The following MUC4 variants were observed in gnomAD, a reference collection of about 807,000 sequenced individuals.
MUC4 encodes mucin 4, cell surface associated.
In MUC4, 202 loss-of-function variants were observed where a neutral mutation model predicts 257.9. That is an observed-to-expected ratio of 0.78 (90% CI 0.70 to 0.88). The LOEUF (loss-of-function observed/expected upper bound fraction) is 0.88. MUC4 is among the 40% of genes least tolerant of loss of function. The pLI is 0.00. For synonymous variants in MUC4, 2,351 were observed against 2,757.1 expected (o/e 0.85, Z 4.62); for missense variants, 5,976 against 6,513.7 (o/e 0.92, Z 2.84).
chr3:195,807,539 G>A (rs982351644), intron 1 of MUC4, among the ~76,000 whole-genome samples: 3 of 152,048 alleles, frequency 2.0e-5, no homozygotes, highest in Non-Finnish European at 2.9e-5. Context: ...TGAAGAAATC[G>A]TCGATGAGGT....
Position 195,761,032 on chromosome 3 carries a change from T to C in MUC4, c.14700A>G (p.Gln4900=). The C allele has an allele frequency of 7.4e-6, 12 of 1,614,188 alleles. No homozygotes were observed. Among genetic ancestry groups the C allele is most frequent in the Admixed American group, 1.7e-5 (1 of 60,026 alleles). ...AATGTTCAGCCCAGGAGCTGTTTTT[T>C]TGCAGTTGTGAGTAGAAAACAGGGG... ...NFTPVFYSQL[Q]KNSSWAEHLI... Residue 4900 remains glutamine, a synonymous_variant, in exon 16 of 25, where the codon CAA becomes CAG. Coordinates refer to ENST00000463781, the MANE Select transcript of MUC4 (RefSeq NM_018406.7).
In MUC4 at chr3:195,762,646, CTGCACCGCCACGCACCG is replaced by C. The variant is rs1296050390; in HGVS notation, c.14344+192_14344+208del. 6.2e-3 allele frequency among the ~76,000 whole-genome samples: 871 copies of C among 140,888 alleles called. 36 individuals carry two copies. Among genetic ancestry groups the C allele is most frequent in the South Asian group, 0.011 (50 of 4,606 alleles). 92.4% of individuals were successfully genotyped at this position (140,888 alleles called of 152,430 possible). A position where few individuals can be genotyped will look rare whatever the true frequency, so the allele number is the denominator to read the frequency against. Reference sequence around the variant, plus strand: ...GCCCTGCACCGCCACGCACCGGGCCCTGCACCGCCACGCACCGGGCCCTGCACCACAACGCACCCGGC... The same window carrying C: ...GCCCTGCACCGCCACGCACCGGGCCCGGCCCTGCACCACAACGCACCCGGC... On this transcript the variant is annotated intron_variant, in intron 13 of 24. Coordinates refer to ENST00000463781, the MANE Select transcript of MUC4 (RefSeq NM_018406.7).
chr3:195,806,252 G>A (rs1008243699), intron 1 of MUC4, among the ~76,000 whole-genome samples: 2 of 152,106 alleles, frequency 1.3e-5, no homozygotes, highest in Admixed American at 6.5e-5. Context: ...CATGAGCTCC[G>A]CCTCTGCCTG....
At chr3:195,754,620 C>T (rs2148767921) in intron 18 of MUC4, among the ~76,000 whole-genome samples, 2 of 152,366 alleles carry the variant, frequency 1.3e-5, no homozygotes, top group South Asian at 4.1e-4. Flanking sequence ...CCTGGCCCTG[C>T]ACCAGGATCT....
At position 195,788,798 on chromosome 3, in the gene MUC4, C is replaced by A. The variant is rs1423854071; in HGVS notation, c.2782G>T (p.Ala928Ser). 1 of 1,613,842 alleles carries A rather than the reference C, an allele frequency of 6.2e-7. No homozygotes were observed. The change falls in exon 2 of 25, where the codon GCA becomes TCA. Residue 928 changes from alanine to serine, a missense_variant. This residue lies in a region of MUC4 where 1,583 missense variants were observed against 1,257.4 expected (regional missense o/e 1.26). Transcript: ENST00000463781. ...GGGACTGTTGAGAAGGTGTCGGTTG[C>A]CTGGGACGCCAGGCTGATAGTGTCA... ...GSDTISLASQ[A>S]TDTFSTVPPT...
chr3:195,754,781 TG>T (rs1717196790), intron 18 of MUC4, among the ~76,000 whole-genome samples: 1 of 150,504 alleles, frequency 6.6e-6, no homozygotes, highest in Non-Finnish European at 1.5e-5. Flanking sequence ...CATGTATGTA[TG>T]TGTGTATCCA....
chr3:195,795,038 G>A (rs1039518059), intron 1 of MUC4, among the ~76,000 whole-genome samples: 1 of 152,188 alleles, frequency 6.6e-6, no homozygotes, highest in African/African-American at 2.4e-5. Flanking sequence ...GTTGGAATTA[G>A]GTTGAGATTT....
chr3:195,801,949 C>A (rs371293269), intron 1 of MUC4, among the ~76,000 whole-genome samples: 1 of 152,116 alleles, frequency 6.6e-6, no homozygotes, highest in Non-Finnish European at 1.5e-5. Context: ...CTCTCTCCCC[C>A]GCTCCACGCC....
intron 1 of MUC4, among the ~76,000 whole-genome samples, chr3:195,794,760 T>C (rs1734365581): frequency 6.6e-6 from 1 of 152,208 alleles, no homozygotes; most frequent in African/African-American, 2.4e-5. Flanking sequence ...TTTCTGGAAT[T>C]GACTGTAATT....
intron 5 of MUC4, among the ~76,000 whole-genome samples, chr3:195,771,083 G>A (rs1282381026): frequency 3.4e-5 from 5 of 148,732 alleles, no homozygotes; most frequent in African/African-American, 1.2e-4. Context: ...TCTCGTGGCC[G>A]GGTTGGGGTA....
chr3:195,783,565 G>C lies in MUC4; in HGVS notation c.8015C>G (p.Pro2672Arg). ...LSSVSTGDTT[P>R]LPVTSPSSAS... ...TGAGGAAGGGCTAGTGACAGGAAGAGGCGTGGTGTCACCTGTGGATACTGA... is the reference window on the plus strand; with the variant it reads ...TGAGGAAGGGCTAGTGACAGGAAGACGCGTGGTGTCACCTGTGGATACTGA... The change falls in exon 2 of 25, where the codon CCT becomes CGT. Residue 2672 changes from proline (P) to arginine (R), a missense_variant. This residue lies in a region of MUC4 where 75 missense variants were observed against 58.7 expected (regional missense o/e 1.28). Transcript: ENST00000463781. 3.1e-6 allele frequency: 1 copy of C among 321,190 alleles called. No homozygotes were observed. Among genetic ancestry groups the C allele is most frequent in the South Asian group, 2.9e-5 (1 of 34,662 alleles). 19.9% of individuals were successfully genotyped at this position (321,190 alleles called of 1,614,324 possible).
intron 7 of MUC4, among the ~76,000 whole-genome samples, chr3:195,767,666 TCAC>T (rs1560263179): frequency 1.6e-4 from 3 of 18,906 alleles, no homozygotes; most frequent in East Asian, 2.5e-3. Context: ...ACCACCACCA[TCAC>T]CATCACCACC....
At chr3:195,793,002 A>C (rs1578440898) in intron 1 of MUC4, among the ~76,000 whole-genome samples, 1 of 152,172 alleles carries the variant, frequency 6.6e-6, no homozygotes, top group African/African-American at 2.4e-5. Context: ...AAGGGGAGGA[A>C]GAGCGTCAGG....
chr3:195,773,620 G>A (rs1247961653), intron 4 of MUC4, among the ~76,000 whole-genome samples: 5 of 126,628 alleles, frequency 3.9e-5, no homozygotes, highest in South Asian at 2.8e-4. Context: ...TCTCTCTATC[G>A]CTCAGCAGGT....
At chr3:195,752,927 T>C in intron 20 of MUC4, 124 bp downstream of exon 20, 1 of 907,736 alleles carries the variant, frequency 1.1e-6, no homozygotes, top group South Asian at 1.8e-5. Flanking sequence ...CCCAGAGAAA[T>C]CTGGAGCTCT....
rs1161412562 is a variant in MUC4, at chr3:195,789,886, G to T, written c.1694C>A (p.Thr565Lys). The T allele has an allele frequency of 3.8e-5, 61 of 1,613,874 alleles. No individual in the cohort carries two copies. Among genetic ancestry groups the T allele is most frequent in the Non-Finnish European group, 5.2e-5 (61 of 1,179,892 alleles). The change falls in exon 2 of 25, where the codon ACA (threonine) becomes AAA (lysine). Residue 565 changes from threonine (T) to lysine (K), a missense_variant. By Grantham distance (78) the Thr-to-Lys change is moderately conservative. Transcript: ENST00000463781. ...GGTCCCCGTTTCTTGTGTCCATTGT[G>T]TCTGGGCGCCTGCCCCTGTTGTTTT... ...LPKTTGAGAQ[T>K]QWTQETGTTG...
At chr3:195,752,833 C>T (rs190040303) in intron 20 of MUC4, among the ~76,000 whole-genome samples, 54 of 152,248 alleles carry the variant, frequency 3.5e-4, no homozygotes, top group Non-Finnish European at 6.9e-4. Context: ...CTGCCTCCGT[C>T]CTTCCTCCAT....
chr3:195,760,085 A>AAC (rs1718471101), intron 16 of MUC4, among the ~76,000 whole-genome samples: 1 of 152,170 alleles, frequency 6.6e-6, no homozygotes, highest in Admixed American at 6.5e-5. Context: ...TCATTTAACA[A>AAC]ACATTTATTG....
At position 195,811,811 on chromosome 3, in the gene MUC4, C is replaced by T; in HGVS notation, c.7G>A (p.Gly3Arg). 1 of 1,613,762 alleles carries T rather than the reference C, an allele frequency of 6.2e-7. No individual in the cohort carries two copies. MK[G>R]ARWRRVPWVS... ...CAGGGGACCCTCCTCCAGCGTGCCC[C>T]CTTCATGGCTGCGGCAAAAGTCCCC... Residue 3 changes from glycine to arginine, a missense_variant, in exon 1 of 25, where the codon GGG (glycine) becomes AGG (arginine). Gly to Arg is a moderately radical substitution (Grantham distance 125). Transcript: ENST00000463781.
Sources: allele counts gnomAD v4.1 joint callset (sites outside exome capture counted in the v4.1 genomes callset), GRCh38; gene constraint gnomAD v4.1.1; regional missense constraint gnomAD v4.1.1; transcripts MANE v1.5; gene names NCBI Gene and HGNC (gene_info 2026-07-23, HGNC 2026-07-21).